ENDOG: variants seen among roughly 807,000 people sequenced by gnomAD.
The protein encoded by ENDOG is endonuclease G, mitochondrial.
A neutral mutation model predicts 22.6 loss-of-function variants in ENDOG; 22 were observed. That is an observed-to-expected ratio of 0.97 (90% confidence interval 0.70 to 1.39). ENDOG has a LOEUF of 1.39. Ranked by LOEUF, ENDOG falls within the 40% of genes most tolerant of loss-of-function variation. ENDOG has a pLI of 0.00. For synonymous variants in ENDOG, 173 were observed against 200.2 expected, an observed-to-expected ratio of 0.86 and a Z score of 1.15; for missense variants, 403 against 431.3, an observed-to-expected ratio of 0.93 and a Z score of 0.58.
Position 128,818,912 on chromosome 9 carries a change from G to T in ENDOG, c.228G>T (p.Lys76Asn). 1 of 1,477,366 alleles carries T rather than the reference G, an allele frequency of 6.8e-7. No individual in the cohort carries two copies. The highest frequency in any genetic ancestry group is 8.9e-7 in the Non-Finnish European group (1 of 1,122,544). The allele number at this position is 1,477,366 out of a possible 1,614,324, so 91.5% of individuals were successfully genotyped here. Reference sequence around the variant, plus strand: ...GGCTGCCGGGGCTGGCGCAGCTCAAGAGCCGCGAGTCGTACGTGCTGTGCT... The same window carrying T: ...GGCTGCCGGGGCTGGCGCAGCTCAATAGCCGCGAGTCGTACGTGCTGTGCT... Reference protein sequence around the residue: ...KYGLPGLAQLKSRESYVLCYD... With the variant: ...KYGLPGLAQLNSRESYVLCYD... Residue 76 changes from lysine (K) to asparagine (N), a missense_variant, in exon 1 of 3, where the codon AAG (lysine) becomes AAT (asparagine). Lys to Asn is a moderately conservative substitution (Grantham distance 94). Transcript: ENST00000372642.
In ENDOG at chr9:128,818,564, G is replaced by C; in HGVS notation, c.-121G>C. Reference sequence around the variant, plus strand: ...GGCCCAAGCCCTTGGCAGTGTTTGTGAGTGGAAGGGAGGTCACGCTATCGT... The same window carrying C: ...GGCCCAAGCCCTTGGCAGTGTTTGTCAGTGGAAGGGAGGTCACGCTATCGT... On this transcript the variant is annotated 5_prime_UTR_variant, in exon 1 of 3. Coordinates refer to ENST00000372642, the MANE Select transcript of ENDOG (RefSeq NM_004435.2). 9.8e-7 allele frequency: 1 copy of C among 1,016,792 alleles called. No homozygotes were observed. The allele number at this position is 1,016,792 out of a possible 1,614,324, so 63.0% of individuals were successfully genotyped here.
Position 128,819,317 on chromosome 9 carries a change from GT to G in ENDOG, c.501+133del, listed in dbSNP as rs1317473933. ...CGGTCAGGCATCGCAGTGACATCCCGTGGCGGGAGGGAGGAGCACTGGGCTC... is the reference window on the plus strand; with the variant it reads ...CGGTCAGGCATCGCAGTGACATCCCGGGCGGGAGGGAGGAGCACTGGGCTC... On this transcript the variant is annotated intron_variant, in intron 1 of 2. Transcript: ENST00000372642. The G allele has an allele frequency of 5.3e-6, 7 of 1,313,140 alleles. No homozygotes were observed. The East Asian group carries it at 1.6e-4, about 29-fold the overall frequency. 81.3% of individuals were successfully genotyped at this position (1,313,140 alleles called of 1,614,324 possible).
At chr9:128,819,828 C>G (rs937998924) in intron 1 of ENDOG, 1 of 152,506 alleles carries the variant, frequency 6.6e-6, no homozygotes, top group African/African-American at 2.4e-5. Flanking sequence ...TCAAAAGAAG[C>G]GCGCAACCTC....
rs768520654 is a variant in ENDOG at position 128,819,579 on chromosome 9, G to A, written c.501+394G>A. On this transcript the variant is annotated intron_variant, in intron 1 of 2. Transcript: ENST00000372642. ...AGCGCCCAACCTATTGGGCACCAGG[G>A]TGCGGTTTCGTGGAAGACAGTTTTT... is the stretch of plus-strand genomic sequence containing the variant. 2.9e-4 allele frequency: 58 copies of A among 198,286 alleles called. 1 individual carries two copies. Among genetic ancestry groups the A allele is most frequent in the Admixed American group, 6.1e-4 (10 of 16,526 alleles). 12.3% of individuals were successfully genotyped at this position (198,286 alleles called of 1,614,324 possible).
In ENDOG at chr9:128,819,020, G is replaced by A. The variant is rs1387186363; in HGVS notation, c.336G>A (p.Glu112=). 6.7e-7 allele frequency: 1 copy of A among 1,492,274 alleles called. No homozygotes were observed. The highest frequency in any genetic ancestry group is 8.9e-7 in the Non-Finnish European group (1 of 1,128,612). The allele number at this position is 1,492,274 out of a possible 1,614,324, so 92.4% of individuals were successfully genotyped here. The change falls in exon 1 of 3, where the codon GAG becomes GAA. Residue 112 remains glutamate (E), a synonymous_variant. Coordinates refer to ENST00000372642, the MANE Select transcript of ENDOG (RefSeq NM_004435.2). ...ERLRGDGDRR[E]CDFREDDSVH... Reference sequence around the variant, plus strand: ...TCCGCGGCGACGGCGACCGGCGCGAGTGCGACTTCCGCGAGGACGACTCGG... The same window carrying A: ...TCCGCGGCGACGGCGACCGGCGCGAATGCGACTTCCGCGAGGACGACTCGG...
At chr9:128,819,825 A>G (rs10819449) in intron 1 of ENDOG, 20,883 of 152,520 alleles carry the variant, frequency 0.14, 1,679 homozygotes, top group East Asian at 0.26. Flanking sequence ...TTTTCAAAAG[A>G]AGCGCGCAAC....
Position 128,822,573 on chromosome 9 carries a change from C to G in ENDOG, c.857C>G (p.Ala286Gly). ...LLFVPNILARAGSLKAITAGS... is the reference protein window; with the variant it reads ...LLFVPNILARGGSLKAITAGS... ...TTTGTGCCAAACATCCTGGCGCGGGCAGGCAGCCTCAAGGCCATCACGGCG... is the reference window on the plus strand; with the variant it reads ...TTTGTGCCAAACATCCTGGCGCGGGGAGGCAGCCTCAAGGCCATCACGGCG... Residue 286 changes from alanine to glycine, a missense_variant, in exon 3 of 3, where the codon GCA (alanine) becomes GGA (glycine). Ala to Gly is a moderately conservative substitution (Grantham distance 60, BLOSUM62 0). Coordinates refer to ENST00000372642, the MANE Select transcript of ENDOG (RefSeq NM_004435.2). The G allele has an allele frequency of 6.4e-7, 1 of 1,567,574 alleles. No homozygotes were observed. Among genetic ancestry groups the G allele is most frequent in the Non-Finnish European group, 8.7e-7 (1 of 1,156,026 alleles).
chr9:128,821,249 G>A (rs188687976), intron 2 of ENDOG: 131 of 215,148 alleles, frequency 6.1e-4, no homozygotes, highest in South Asian at 2.4e-3. Context: ...GCAGGTCTGC[G>A]GTGCACCAAG....
In ENDOG at chr9:128,818,529, TG is replaced by T; in HGVS notation, c.-153del. 1 of 870,510 alleles carries T rather than the reference TG, an allele frequency of 1.1e-6. No homozygotes were observed. Among genetic ancestry groups the T allele is most frequent in the Non-Finnish European group, 1.4e-6 (1 of 706,360 alleles). 53.9% of individuals were successfully genotyped at this position (870,510 alleles called of 1,614,324 possible). On this transcript the variant is annotated 5_prime_UTR_variant, in exon 1 of 3. Transcript: ENST00000372642. ...CCGGTTGGGCTCTGCTGCTCCCTTC[TG>T]GGTTCCGAGGCCCAAGCCCTTGGCA...
intron 1 of ENDOG, 83 bp downstream of exon 1, chr9:128,819,268 CG>C: frequency 7.2e-7 from 1 of 1,384,936 alleles, no homozygotes. Flanking sequence ...TTCTGCAGAA[CG>C]GGGCAGCTGC....
intron 1 of ENDOG, 33 bp from the exon 2 acceptor site, chr9:128,820,706 C>G (rs768238743): frequency 1.3e-5 from 20 of 1,572,692 alleles, no homozygotes; most frequent in Non-Finnish European, 1.6e-5. Flanking sequence ...GGGTCCCAGC[C>G]ACAGTCCTGC....
Position 128,819,108 on chromosome 9 carries a change from C to T in ENDOG, c.424C>T (p.Leu142=). Residue 142 remains leucine (L), a synonymous_variant, in exon 1 of 3, where the codon CTG becomes TTG. Coordinates refer to ENST00000372642, the MANE Select transcript of ENDOG (RefSeq NM_004435.2). Reference sequence around the variant, plus strand: ...CGGCAGTGGCTTCGACCGCGGTCACCTGGCCGCCGCCGCCAACCACCGCTG... The same window carrying T: ...CGGCAGTGGCTTCGACCGCGGTCACTTGGCCGCCGCCGCCAACCACCGCTG... The part of the protein sequence containing the change: ...YRGSGFDRGH[L]AAAANHRWSQ... 6.6e-7 allele frequency: 1 copy of T among 1,520,056 alleles called. No homozygotes were observed. Among genetic ancestry groups the T allele is most frequent in the Non-Finnish European group, 8.8e-7 (1 of 1,137,478 alleles). The allele number at this position is 1,520,056 out of a possible 1,614,324, so 94.2% of individuals were successfully genotyped here.
rs1278184583 is a variant in ENDOG at position 128,822,429 on chromosome 9, C to A, written c.713C>A (p.Ala238Glu). The A allele has an allele frequency of 6.2e-7, 1 of 1,602,716 alleles. No homozygotes were observed. Among genetic ancestry groups the A allele is most frequent in the East Asian group, 2.3e-5 (1 of 44,328 alleles). The change falls in exon 3 of 3, where the codon GCA (alanine) becomes GAA (glutamate). Residue 238 changes from alanine (A) to glutamate (E), a missense_variant. Physicochemically the swap from Ala to Glu is moderately radical, Grantham distance 107 (BLOSUM62 -1). Transcript: ENST00000372642. The part of the protein sequence containing the change: ...HFFKVLILEA[A>E]GGQIELRTYV... ...TTCAAGGTGCTGATCCTGGAGGCAG[C>A]AGGTGGGCAAATTGAGCTCCGCACC...
At position 128,819,035 on chromosome 9, in the gene ENDOG, G is replaced by A; in HGVS notation, c.351G>A (p.Glu117=). 6.7e-7 allele frequency: 1 copy of A among 1,497,544 alleles called. No individual in the cohort carries two copies. 92.8% of individuals were successfully genotyped at this position (1,497,544 alleles called of 1,614,324 possible). Residue 117 remains glutamate, a synonymous_variant, in exon 1 of 3, where the codon GAG becomes GAA. Transcript: ENST00000372642. The part of the protein sequence containing the change: ...DGDRRECDFR[E]DDSVHAYHRA... ...ACCGGCGCGAGTGCGACTTCCGCGAGGACGACTCGGTGCACGCGTACCACC... is the reference window on the plus strand; with the variant it reads ...ACCGGCGCGAGTGCGACTTCCGCGAAGACGACTCGGTGCACGCGTACCACC...
At position 128,818,875 on chromosome 9, in the gene ENDOG, T is replaced by A; in HGVS notation, c.191T>A (p.Leu64Gln). ...VPGGPRGPGE[L>Q]AKYGLPGLAQ... is the part of the protein sequence containing the mutation. ...GGGGGACCCCGCGGCCCGGGCGAGC[T>A]GGCCAAGTACGGGCTGCCGGGGCTG... Residue 64 changes from leucine to glutamine, a missense_variant, in exon 1 of 3, where the codon CTG becomes CAG. Transcript: ENST00000372642. 1 of 1,437,968 alleles carries A rather than the reference T, an allele frequency of 7.0e-7. No homozygotes were observed. The highest frequency in any genetic ancestry group is 1.4e-5 in the South Asian group (1 of 72,568). The allele number at this position is 1,437,968 out of a possible 1,614,324, so 89.1% of individuals were successfully genotyped here. A position where few individuals can be genotyped will look rare whatever the true frequency, so the allele number is the denominator to read the frequency against.
chr9:128,822,572 G>T lies in ENDOG; in HGVS notation c.856G>T (p.Ala286Ser). 6.4e-7 allele frequency: 1 copy of T among 1,567,348 alleles called. No homozygotes were observed. Among genetic ancestry groups the T allele is most frequent in the East Asian group, 2.3e-5 (1 of 42,938 alleles). ...LLFVPNILARAGSLKAITAGS... is the reference protein window; with the variant it reads ...LLFVPNILARSGSLKAITAGS... ...CTTTGTGCCAAACATCCTGGCGCGG[G>T]CAGGCAGCCTCAAGGCCATCACGGC... The change falls in exon 3 of 3, where the codon GCA becomes TCA. Residue 286 changes from alanine to serine, a missense_variant. Coordinates refer to ENST00000372642, the MANE Select transcript of ENDOG (RefSeq NM_004435.2).
chr9:128,819,198 C>A lies in ENDOG; in HGVS notation c.501+13C>A. On this transcript the variant is annotated intron_variant, in intron 1 of 2. Transcript: ENST00000372642. ...CGTCGCGCCCCAGGTAGCGCCCGCG[C>A]CCCGGGCCGGTCGCGGAATGCGGGG... 6.9e-7 allele frequency: 1 copy of A among 1,455,122 alleles called. No homozygotes were observed. The highest frequency in any genetic ancestry group is 9.0e-7 in the Non-Finnish European group (1 of 1,111,110). 90.1% of individuals were successfully genotyped at this position (1,455,122 alleles called of 1,614,324 possible). A position where few individuals can be genotyped will look rare whatever the true frequency, so the allele number is the denominator to read the frequency against.
chr9:128,818,501 C>A lies in ENDOG; in HGVS notation c.-184C>A. On this transcript the variant is annotated 5_prime_UTR_variant, in exon 1 of 3. Coordinates refer to ENST00000372642, the MANE Select transcript of ENDOG (RefSeq NM_004435.2). ...ATGCGCAAAGAAAGGACGCCGGGGA[C>A]ACCCGGTTGGGCTCTGCTGCTCCCT... is the stretch of plus-strand genomic sequence containing the variant. 6.8e-6 allele frequency: 4 copies of A among 585,730 alleles called. No individual in the cohort carries two copies. Among genetic ancestry groups the A allele is most frequent in the Non-Finnish European group, 9.0e-6 (4 of 446,498 alleles). The allele number at this position is 585,730 out of a possible 1,614,324, so 36.3% of individuals were successfully genotyped here. A position where few individuals can be genotyped will look rare whatever the true frequency, so the allele number is the denominator to read the frequency against.
intron 1 of ENDOG, chr9:128,819,831 G>A (rs56778081): frequency 0.065 from 9,953 of 152,548 alleles, 422 homozygotes; most frequent in African/African-American, 0.11. Flanking sequence ...AAAGAAGCGC[G>A]CAACCTCCTC....
Sources: allele counts gnomAD v4.1 joint callset, GRCh38; gene constraint gnomAD v4.1.1; transcripts MANE v1.5; gene names NCBI Gene and HGNC (gene_info 2026-07-23, HGNC 2026-07-21).